Variants in ITPR1 observed in about 807,000 individuals in gnomAD.
ITPR1 encodes inositol 1,4,5-trisphosphate-gated calcium channel ITPR1.
A neutral mutation model predicts 318.4 loss-of-function variants in ITPR1; 96 were observed. The observed-to-expected ratio is 0.30, with a 90% confidence interval of 0.26 to 0.36. The LOEUF is 0.36. Among genes scored for constraint, ITPR1 ranks in the 10% least tolerant of loss-of-function variants. The pLI is 1.00. For synonymous variants in ITPR1, 1,312 were observed against 1,289.9 expected, an observed-to-expected ratio of 1.02 and a Z score of -0.37; for missense variants, 2,440 against 3,460.2, an observed-to-expected ratio of 0.71 and a Z score of 7.40.
chr3:4,656,814 A>T (rs149103597), intron 12 of ITPR1, among the ~76,000 whole-genome samples: 2 of 152,196 alleles, frequency 1.3e-5, no homozygotes, highest in African/African-American at 4.8e-5. Flanking sequence ...GACAAAGAAA[A>T]TGTGCTTCCT....
intron 49 of ITPR1, among the ~76,000 whole-genome samples, chr3:4,780,434 A>G (rs978655096): frequency 1.3e-5 from 2 of 152,172 alleles, no homozygotes; most frequent in Non-Finnish European, 2.9e-5. Flanking sequence ...GATAGTCACA[A>G]TTGGCTGTGA....
chr3:4,777,170 A>G, intron 47 of ITPR1, 94 bp from the exon 48 acceptor site: 2 of 698,658 alleles, frequency 2.9e-6, no homozygotes, highest in Non-Finnish European at 5.0e-6. Context: ...GGGAGTGGTA[A>G]GCATTGTGTT....
chr3:4,527,233 A>G (rs902020000), intron 4 of ITPR1, among the ~76,000 whole-genome samples: 8 of 152,108 alleles, frequency 5.3e-5, no homozygotes, highest in African/African-American at 1.2e-4. Context: ...CTGGATTGCA[A>G]TTGTGTGGTC....
chr3:4,653,818 T>A (rs541820528), intron 11 of ITPR1, 24 bp from the exon 12 acceptor site: 1 of 1,588,658 alleles, frequency 6.3e-7, no homozygotes, highest in East Asian at 2.2e-5. Context: ...ATGTTTTAAT[T>A]TCCTAATGAT....
chr3:4,518,844 A>G (rs1160282647), intron 3 of ITPR1, among the ~76,000 whole-genome samples: 2 of 152,144 alleles, frequency 1.3e-5, no homozygotes, highest in African/African-American at 4.8e-5. Flanking sequence ...CTGAGATGGG[A>G]GGATCCTTTG....
chr3:4,495,570 C>T (rs1017674548), intron 2 of ITPR1, among the ~76,000 whole-genome samples: 2 of 152,198 alleles, frequency 1.3e-5, no homozygotes, highest in Non-Finnish European at 2.9e-5. Flanking sequence ...CCCAGTTCCC[C>T]TTTTCAGAAT....
At chr3:4,828,303 T>G (rs757444954) in intron 60 of ITPR1, among the ~76,000 whole-genome samples, 1 of 152,210 alleles carries the variant, frequency 6.6e-6, no homozygotes, top group Non-Finnish European at 1.5e-5. Context: ...GCTAAAATCC[T>G]CATACATAGC....
At position 4,710,203 on chromosome 3, in the gene ITPR1, A is replaced by C; in HGVS notation, c.4843-122A>C. The C allele has an allele frequency of 1.1e-6, 1 of 869,886 alleles. No homozygotes were observed. Among genetic ancestry groups the C allele is most frequent in the South Asian group, 2.9e-5 (1 of 34,492 alleles). 53.9% of individuals were successfully genotyped at this position (869,886 alleles called of 1,614,324 possible). On this transcript the variant is annotated intron_variant, in intron 37 of 61. Transcript: ENST00000649015. The surrounding 1 kb of genome is among the most constrained non-coding windows in gnomAD (Gnocchi z 4.2). ...CTAATAATTTGAGATGCCAGACGGTACTAAAGTTACTCTAACCTAGCCTAC... is the reference window on the plus strand; with the variant it reads ...CTAATAATTTGAGATGCCAGACGGTCCTAAAGTTACTCTAACCTAGCCTAC...
At chr3:4,529,415 T>C (rs1410658530) in intron 4 of ITPR1, among the ~76,000 whole-genome samples, 2 of 152,204 alleles carry the variant, frequency 1.3e-5, no homozygotes, top group Admixed American at 1.3e-4. Context: ...GTCATATTGT[T>C]ATATGGTTCT....
chr3:4,784,999 G>A (rs955634315), intron 51 of ITPR1, among the ~76,000 whole-genome samples: 1 of 152,206 alleles, frequency 6.6e-6, no homozygotes. Flanking sequence ...TACAGAAGCA[G>A]GTGCTGGGCA....
intron 47 of ITPR1, among the ~76,000 whole-genome samples, chr3:4,776,504 AGAG>A (rs2046496191): frequency 6.6e-6 from 1 of 152,208 alleles, no homozygotes; most frequent in Non-Finnish European, 1.5e-5. Context: ...CCCTTCATTC[AGAG>A]GAGAACGGTT....
chr3:4,631,337 A>G (rs1243100129), intron 5 of ITPR1, among the ~76,000 whole-genome samples: 1 of 152,134 alleles, frequency 6.6e-6, no homozygotes, highest in African/African-American at 2.4e-5. Context: ...CTATTTCTTT[A>G]TGGTTAATCT....
At chr3:4,728,529 A>C (rs1212712971) in intron 42 of ITPR1, among the ~76,000 whole-genome samples, 1 of 152,172 alleles carries the variant, frequency 6.6e-6, no homozygotes, top group African/African-American at 2.4e-5. Flanking sequence ...CACAATGTGA[A>C]ATACACACAT....
intron 22 of ITPR1, 128 bp downstream of exon 22, chr3:4,674,471 G>T: frequency 1.4e-6 from 1 of 726,358 alleles, no homozygotes; most frequent in Non-Finnish European, 2.2e-6. Flanking sequence ...TAATGGAAAG[G>T]AATTCAGCTT....
chr3:4,768,463 G>A lies in ITPR1; in HGVS notation c.5726-48G>A, dbSNP rs757869367. On this transcript the variant is annotated intron_variant, in intron 45 of 61. Coordinates refer to ENST00000649015, the MANE Select transcript of ITPR1 (RefSeq NM_001378452.1). ...GTGTCACCTTTGGAGTGGTGAATAG[G>A]GCCCATGAGGACTCTGCAGCCTTTC... 116 of 1,544,568 alleles carry A rather than the reference G, an allele frequency of 7.5e-5. No homozygotes were observed. In the Middle Eastern group the frequency reaches 8.7e-4, roughly 12 times the overall value.
rs2082180463 is a variant in ITPR1 at position 4,516,509 on chromosome 3, T to C, written c.18T>C (p.Ser6=). 8 of 1,588,562 alleles carry C rather than the reference T, an allele frequency of 5.0e-6. No individual in the cohort carries two copies. Among genetic ancestry groups the C allele is most frequent in the Non-Finnish European group, 5.1e-6 (6 of 1,168,018 alleles). ...AGAAAGACATGTCTGACAAAATGTC[T>C]AGCTTCCTACATATTGGAGACATTT... The part of the protein sequence containing the change: MSDKM[S]SFLHIGDICS... Residue 6 remains serine, a synonymous_variant, in exon 3 of 62, where the codon TCT becomes TCC. Coordinates refer to ENST00000649015, the MANE Select transcript of ITPR1 (RefSeq NM_001378452.1).
chr3:4,618,346 G>A (rs2092465524), intron 4 of ITPR1, among the ~76,000 whole-genome samples: 1 of 152,194 alleles, frequency 6.6e-6, no homozygotes, highest in African/African-American at 2.4e-5. Flanking sequence ...GTTTCTAGAT[G>A]ATGTGTGTCT....
chr3:4,519,509 G>A (rs953497368), intron 3 of ITPR1, among the ~76,000 whole-genome samples: 7 of 152,188 alleles, frequency 4.6e-5, no homozygotes, highest in African/African-American at 1.7e-4. Flanking sequence ...ACAGGTGTGA[G>A]CCACCATGCC....
At chr3:4,671,240 C>T (rs1374804486) in intron 20 of ITPR1, among the ~76,000 whole-genome samples, 1 of 152,170 alleles carries the variant, frequency 6.6e-6, no homozygotes, top group East Asian at 1.9e-4. Context: ...ATCCCTACCT[C>T]TCCGCTTACC....
Sources: gnomAD v4.1 joint callset for allele counts (sites outside exome capture counted in the v4.1 genomes callset) on GRCh38, gnomAD v4.1.1 for gene constraint, Gnocchi (gnomAD v3.1) non-coding constraint, MANE v1.5 for transcripts, NCBI Gene and HGNC (gene_info 2026-07-23, HGNC 2026-07-21) for gene names.